PLG: variants seen among roughly 807,000 people sequenced by gnomAD.
The protein encoded by PLG is plasmin.
Under a neutral mutation model 104.4 loss-of-function variants are expected in PLG, and 41 were observed. The observed-to-expected ratio is 0.39, with a 90% CI of 0.31 to 0.51. The LOEUF is 0.51. Among genes scored for constraint, PLG ranks in the 20% least tolerant of loss-of-function variants. The pLI, the probability that PLG is intolerant of heterozygous loss-of-function variation, is 0.76. For synonymous variants in PLG, 337 were observed against 357.1 expected (o/e 0.94, Z 0.63); for missense variants, 891 against 1,003.6 (o/e 0.89, Z 1.52).
Position 160,719,873 on chromosome 6 carries a change from C to G in PLG, c.1096+1035C>G, listed in dbSNP as rs530881196. Among the ~76,000 whole-genome samples, 2,282 of 152,142 alleles carry G rather than the reference C, an allele frequency of 0.015. 63 individuals carry two copies. The Middle Eastern group carries it at 0.18, about 12-fold the overall frequency. ...TCACAATACATTGACACTATTTTTGCCCTAATAGTTGTGTTTTAAAGTGAT... is the reference window on the plus strand; with the variant it reads ...TCACAATACATTGACACTATTTTTGGCCTAATAGTTGTGTTTTAAAGTGAT... On this transcript the variant is annotated intron_variant, in intron 9 of 18. Transcript: ENST00000308192. This position sits in a 1 kb window ranked among gnomAD's most constrained non-coding sequence, Gnocchi z 4.1.
rs1367829957 is a variant in PLG, at chr6:160,748,401, GAAGAAAGAAAGAAAGGGAAA to G, written c.2126-3713_2126-3694del. On this transcript the variant is annotated intron_variant, in intron 17 of 18. Coordinates refer to ENST00000308192, the MANE Select transcript of PLG (RefSeq NM_000301.5). ...GAAAGAAAGAAAGAAAGAAAGAAAG[GAAGAAAGAAAGAAAGGGAAA>G]GAAAGAGAACGAAAGAAAGAAGGGA... 1.8e-4 allele frequency among the ~76,000 whole-genome samples: 13 copies of G among 71,100 alleles called. 2 individuals carry two copies. Among genetic ancestry groups the G allele is most frequent in the African/African-American group, 7.1e-4 (13 of 18,320 alleles). The allele number at this position is 71,100 out of a possible 152,430, so 46.6% of individuals were successfully genotyped here.
chr6:160,733,685 G>GA (rs4252139), intron 12 of PLG, among the ~76,000 whole-genome samples: 52 of 148,760 alleles, frequency 3.5e-4, no homozygotes, highest in Admixed American at 3.0e-3. Flanking sequence ...ACTGAAAATA[G>GA]AAAAAAAAAT....
rs1778062720 is a variant in PLG at position 160,734,959 on chromosome 6, T to C, written c.1681+871T>C. Reference sequence around the variant, plus strand: ...TCCACTGAAGACCAGCATCCTGAGATTGCCTGGGAAGGTGGTACAGGGCAG... The same window carrying C: ...TCCACTGAAGACCAGCATCCTGAGACTGCCTGGGAAGGTGGTACAGGGCAG... On this transcript the variant is annotated intron_variant, in intron 13 of 18. Transcript: ENST00000308192. This position sits in a 1 kb window ranked among gnomAD's most constrained non-coding sequence, Gnocchi z 4.4. 6.6e-6 allele frequency among the ~76,000 whole-genome samples: 1 copy of C among 151,974 alleles called. No homozygotes were observed. The highest frequency in any genetic ancestry group is 2.4e-5 in the African/African-American group (1 of 41,360).
At chr6:160,716,540 G>A (rs1256023068) in intron 6 of PLG, 105 bp from the exon 7 acceptor site, 6 of 781,596 alleles carry the variant, frequency 7.7e-6, no homozygotes, top group African/African-American at 3.4e-5. Context: ...CTCCATGCCC[G>A]ACTGTGCCTA....
At chr6:160,705,889 T>A (rs556302948) in intron 1 of PLG, 4 of 155,508 alleles carry the variant, frequency 2.6e-5, no homozygotes, top group Admixed American at 2.5e-4. Flanking sequence ...AAATTTGTTC[T>A]TGTTTAAGGA....
chr6:160,721,635 C>T lies in PLG; in HGVS notation c.1097-773C>T, dbSNP rs188775456. ...TACACATAATCTAACCCCATTGACA[C>T]TCGGCTGTTTCTTGTTACTGAATGC... On this transcript the variant is annotated intron_variant, in intron 9 of 18. Coordinates refer to ENST00000308192, the MANE Select transcript of PLG (RefSeq NM_000301.5). Among the ~76,000 whole-genome samples the T allele has an allele frequency of 1.0e-3, 159 of 152,352 alleles. 2 individuals are homozygous for T. Among genetic ancestry groups the T allele is most frequent in the African/African-American group, 3.5e-3 (144 of 41,590 alleles).
At chr6:160,702,435 G>A (rs578049629) in intron 1 of PLG, 82 bp downstream of exon 1, 22 of 1,320,396 alleles carry the variant, frequency 1.7e-5, no homozygotes, top group Middle Eastern at 2.7e-4. Flanking sequence ...GGCTTTATGT[G>A]CAATTCATTT....
At position 160,753,415 on chromosome 6, in the gene PLG, G is replaced by A. The variant is rs186439505; in HGVS notation, c.*354G>A. The A allele has an allele frequency of 2.7e-6, 1 of 369,594 alleles. No individual in the cohort carries two copies. Among genetic ancestry groups the A allele is most frequent in the Non-Finnish European group, 5.2e-6 (1 of 192,914 alleles). The allele number at this position is 369,594 out of a possible 1,614,324, so 22.9% of individuals were successfully genotyped here. On this transcript the variant is annotated 3_prime_UTR_variant, in exon 19 of 19. Coordinates refer to ENST00000308192, the MANE Select transcript of PLG (RefSeq NM_000301.5). The surrounding 1 kb of genome is among the most constrained non-coding windows in gnomAD (Gnocchi z 5.4). ...AACAGCTGCACAAAGGACTGAGCAGGCTGCAAGGTCACAGAGGGGAGAGCC... is the reference window on the plus strand; with the variant it reads ...AACAGCTGCACAAAGGACTGAGCAGACTGCAAGGTCACAGAGGGGAGAGCC...
chr6:160,707,915 G>A lies in PLG; in HGVS notation c.292+109G>A, dbSNP rs1652508. The A allele has an allele frequency of 0.22, 215,050 of 981,932 alleles. 29,399 individuals are homozygous for A. Among genetic ancestry groups the A allele is most frequent in the East Asian group, 0.55 (22,578 of 41,392 alleles). 60.8% of individuals were successfully genotyped at this position (981,932 alleles called of 1,614,324 possible). On this transcript the variant is annotated intron_variant, in intron 3 of 18. Transcript: ENST00000308192. ...AAGACCAGAGGAGGAAGGCACTATC[G>A]TGTTATAAAACTGAATTCTGAGTTA... is the stretch of plus-strand genomic sequence containing the variant.
chr6:160,752,833 G>GATGGCATC lies in PLG; in HGVS notation c.2272-66_2272-59dup. On this transcript the variant is annotated intron_variant, in intron 18 of 18. Coordinates refer to ENST00000308192, the MANE Select transcript of PLG (RefSeq NM_000301.5). The surrounding 1 kb of genome is among the most constrained non-coding windows in gnomAD (Gnocchi z 4.7). The stretch of plus-strand genomic sequence containing the variant: ...AAAATGTATATATGGATAGTAGAAG[G>GATGGCATC]ATGGCATCCCATAATAAAAGGCAGG... 6.5e-7 allele frequency: 1 copy of GATGGCATC among 1,529,624 alleles called. No individual in the cohort carries two copies. The highest frequency in any genetic ancestry group is 1.7e-5 in the Admixed American group (1 of 59,852). The allele number at this position is 1,529,624 out of a possible 1,614,324, so 94.8% of individuals were successfully genotyped here. A position where few individuals can be genotyped will look rare whatever the true frequency, so the allele number is the denominator to read the frequency against.
intron 9 of PLG, 29 bp downstream of exon 9, chr6:160,718,867 G>A (rs1296098442): frequency 1.9e-6 from 3 of 1,606,074 alleles, no homozygotes; most frequent in Non-Finnish European, 2.6e-6. Flanking sequence ...GCTTACTGAG[G>A]GCCCAAGTTT....
At chr6:160,718,145 G>A (rs985511255) in intron 7 of PLG, 149 bp from the exon 8 acceptor site, 8 of 692,186 alleles carry the variant, frequency 1.2e-5, no homozygotes, top group South Asian at 4.5e-5. Flanking sequence ...TGAGCTACTC[G>A]GGAGGCTGAG....
rs1777913080 is a variant in PLG at position 160,725,857 on chromosome 6, A to T, written c.1256+3290A>T. Among the ~76,000 whole-genome samples, 1 of 152,012 alleles carries T rather than the reference A, an allele frequency of 6.6e-6. No homozygotes were observed. The highest frequency in any genetic ancestry group is 2.1e-4 in the South Asian group (1 of 4,830). ...ACAAGAAATAATACCACGATGAAAA[A>T]GTTATTTCTTAAGTAAAAAAAGTTT... On this transcript the variant is annotated intron_variant, in intron 10 of 18. Transcript: ENST00000308192. The surrounding 1 kb of genome is among the most constrained non-coding windows in gnomAD (Gnocchi z 6.3).
chr6:160,745,538 G>A (rs531721231), intron 17 of PLG, among the ~76,000 whole-genome samples: 76 of 152,232 alleles, frequency 5.0e-4, no homozygotes, highest in Non-Finnish European at 8.2e-4. Context: ...GAGCCTATGG[G>A]TGTCATTACA....
rs1778248450 is a variant in PLG at position 160,744,575 on chromosome 6, GCCTA to G, written c.2125+3163_2125+3166del. Among the ~76,000 whole-genome samples, 1 of 152,068 alleles carries G rather than the reference GCCTA, an allele frequency of 6.6e-6. No individual in the cohort carries two copies. Among genetic ancestry groups the G allele is most frequent in the Non-Finnish European group, 1.5e-5 (1 of 67,974 alleles). On this transcript the variant is annotated intron_variant, in intron 17 of 18. Transcript: ENST00000308192. This position sits in a 1 kb window ranked among gnomAD's most constrained non-coding sequence, Gnocchi z 4.5. Reference sequence around the variant, plus strand: ...CTTTTCTTCATTAGCCTAGCTAGCAGCCTACCTATCTTATTACTGTTTTCAAAAA... The same window carrying G: ...CTTTTCTTCATTAGCCTAGCTAGCAGCCTATCTTATTACTGTTTTCAAAAA...
At chr6:160,730,409 A>G (rs1288642720) in intron 10 of PLG, among the ~76,000 whole-genome samples, 1 of 152,252 alleles carries the variant, frequency 6.6e-6, no homozygotes, top group South Asian at 2.1e-4. Flanking sequence ...CTAGTTTCCC[A>G]GGGTGGCTTT....
intron 17 of PLG, among the ~76,000 whole-genome samples, chr6:160,751,805 A>G (rs1778406696): frequency 6.6e-6 from 1 of 152,258 alleles, no homozygotes; most frequent in African/African-American, 2.4e-5. Flanking sequence ...ATATAAAAAT[A>G]GCAATTGCAT....
chr6:160,718,613 C>G (rs1246379060), intron 8 of PLG, 80 bp from the exon 9 acceptor site: 2 of 1,487,772 alleles, frequency 1.3e-6, no homozygotes, highest in Admixed American at 1.7e-5. Context: ...CGTTTTTTCC[C>G]GTAACGGTTG....
chr6:160,739,666 C>G lies in PLG; in HGVS notation c.2018+458C>G, dbSNP rs1778154698. Among the ~76,000 whole-genome samples the G allele has an allele frequency of 6.6e-6, 1 of 151,110 alleles. No homozygotes were observed. The highest frequency in any genetic ancestry group is 2.4e-5 in the African/African-American group (1 of 41,084). On this transcript the variant is annotated intron_variant, in intron 16 of 18. Transcript: ENST00000308192. This position sits in a 1 kb window ranked among gnomAD's most constrained non-coding sequence, Gnocchi z 4.4. ...ATCCCAGCTACTTGGGAGGCTGAGG[C>G]AGGAGGGTCACTTGAGTCCCGGAGT...
Sources: gnomAD v4.1 joint callset for allele counts (sites outside exome capture counted in the v4.1 genomes callset) on GRCh38, gnomAD v4.1.1 for gene constraint, Gnocchi (gnomAD v3.1) non-coding constraint, MANE v1.5 for transcripts, NCBI Gene and HGNC (gene_info 2026-07-23, HGNC 2026-07-21) for gene names.